RASA3: variants seen among roughly 807,000 people sequenced by gnomAD.
RASA3 encodes RAS p21 protein activator 3, also known as ras GTPase-activating protein 3.
RASA3 carries 73 observed loss-of-function variants against 110.0 expected under a neutral mutation model. The observed-to-expected ratio is 0.66, with a 90% confidence interval of 0.55 to 0.81. RASA3 has a LOEUF of 0.81. RASA3 is among the 30% of genes least tolerant of loss of function. RASA3 has a pLI of 0.00. For missense variants in RASA3, 976 were observed against 1,113.2 expected (o/e 0.88, Z 1.75); for synonymous variants, 500 against 451.4 (o/e 1.11, Z -1.37).
At position 114,112,075 on chromosome 13, in the gene RASA3, C is replaced by T. The variant is rs1201819790; in HGVS notation, c.55+20360G>A. Among the ~76,000 whole-genome samples the T allele has an allele frequency of 3.5e-5, 5 of 143,360 alleles. No individual in the cohort carries two copies. Among genetic ancestry groups the T allele is most frequent in the African/African-American group, 1.3e-4 (5 of 37,730 alleles). The allele number at this position is 143,360 out of a possible 152,430, so 94.0% of individuals were successfully genotyped here. ...CGTAAGTGACACTGTCCCTCCCTCT[C>T]CCTGGAAACAGCAGCCCCCAGGCAC... On this transcript the variant is annotated intron_variant, in intron 1 of 23. Coordinates refer to ENST00000334062, the MANE Select transcript of RASA3 (RefSeq NM_007368.4). This position sits in a 1 kb window ranked among gnomAD's most constrained non-coding sequence, Gnocchi z 4.8.
Position 114,020,088 on chromosome 13 carries a change from T to G in RASA3, c.786-1169A>C, listed in dbSNP as rs9562198. The stretch of plus-strand genomic sequence containing the variant: ...GCCCCCCTCAGGTGGGTGGAGCCTG[T>G]GTCCGAGGCATTAGCCCCCCTCAGG... On this transcript the variant is annotated intron_variant, in intron 9 of 23. Coordinates refer to ENST00000334062, the MANE Select transcript of RASA3 (RefSeq NM_007368.4). Among the ~76,000 whole-genome samples, 3 of 44,096 alleles carry G rather than the reference T, an allele frequency of 6.8e-5. 1 individual carries two copies. Among genetic ancestry groups the G allele is most frequent in the Non-Finnish European group, 3.8e-5 (1 of 26,404 alleles). The allele number at this position is 44,096 out of a possible 152,430, so 28.9% of individuals were successfully genotyped here.
At chr13:114,010,017 C>A (rs1185496419) in intron 16 of RASA3, among the ~76,000 whole-genome samples, 9 of 152,228 alleles carry the variant, frequency 5.9e-5, no homozygotes, top group Admixed American at 5.9e-4. Flanking sequence ...GCACAGTTCC[C>A]TGGCTGTGAA....
rs77668010 is a variant in RASA3 at position 114,011,398 on chromosome 13, G to C, written c.1513-150C>G. ...GAAACAGGGGTAGCGACGCAGATGG[G>C]ACTGGAGGGGGTGGGCGTCCCACAG... On this transcript the variant is annotated intron_variant, in intron 15 of 23. Coordinates refer to ENST00000334062, the MANE Select transcript of RASA3 (RefSeq NM_007368.4). This position sits in a 1 kb window ranked among gnomAD's most constrained non-coding sequence, Gnocchi z 4.8. The C allele has an allele frequency of 2.6e-3, 1,778 of 694,380 alleles. 34 individuals are homozygous for C. In the African/African-American group the frequency reaches 0.028, roughly 11 times the overall value. 43.0% of individuals were successfully genotyped at this position (694,380 alleles called of 1,614,324 possible). A position where few individuals can be genotyped will look rare whatever the true frequency, so the allele number is the denominator to read the frequency against.
At chr13:114,018,737 C>T (rs770482495) in intron 10 of RASA3, 26 bp downstream of exon 10, 2 of 1,609,892 alleles carry the variant, frequency 1.2e-6, no homozygotes, top group African/African-American at 1.3e-5. Context: ...CTGCCCACAC[C>T]CACAGGCCAC....
At chr13:114,010,497 C>T (rs2053607074) in intron 16 of RASA3, among the ~76,000 whole-genome samples, 1 of 151,500 alleles carries the variant, frequency 6.6e-6, no homozygotes, top group Non-Finnish European at 1.5e-5. Flanking sequence ...TGAGGGACTC[C>T]TGACCTGGTG....
At chr13:114,074,505 G>C (rs1160114098) in intron 1 of RASA3, among the ~76,000 whole-genome samples, 1 of 152,190 alleles carries the variant, frequency 6.6e-6, no homozygotes, top group Non-Finnish European at 1.5e-5. Context: ...ACCTCGTCTT[G>C]CTTATTCATT....
intron 1 of RASA3, among the ~76,000 whole-genome samples, chr13:114,117,425 G>A (rs1449768033): frequency 7.0e-6 from 1 of 142,260 alleles, no homozygotes; most frequent in Admixed American, 7.0e-5. Flanking sequence ...TGCATGCAAT[G>A]CTCCTGTATG....
Position 113,980,164 on chromosome 13 carries a change from CCCA to C in RASA3, c.2430-745_2430-743del, listed in dbSNP as rs141070063. ...CCTGCCACGTGTGTGCACACCTCCT[CCCA>C]CGTGTGTGCACCTCCTCCCACGTGT... On this transcript the variant is annotated intron_variant, in intron 23 of 23. Coordinates refer to ENST00000334062, the MANE Select transcript of RASA3 (RefSeq NM_007368.4). Among the ~76,000 whole-genome samples, 1,455 of 147,410 alleles carry C rather than the reference CCCA, an allele frequency of 9.9e-3. 8 individuals are homozygous for C. The highest frequency in any genetic ancestry group is 0.015 in the Non-Finnish European group (984 of 66,750).
chr13:114,022,887 G>A (rs2053955055), intron 8 of RASA3, among the ~76,000 whole-genome samples: 1 of 152,190 alleles, frequency 6.6e-6, no homozygotes, highest in African/African-American at 2.4e-5. Flanking sequence ...TCCCTGGGGA[G>A]GCAGATCTGA....
At chr13:114,106,049 T>C (rs1594462322) in intron 1 of RASA3, among the ~76,000 whole-genome samples, 1 of 152,310 alleles carries the variant, frequency 6.6e-6, no homozygotes, top group Non-Finnish European at 1.5e-5. Context: ...AGGAAGAGGA[T>C]GACCGGGTGT....
intron 3 of RASA3, among the ~76,000 whole-genome samples, chr13:114,046,175 G>A (rs947532346): frequency 1.3e-5 from 2 of 152,250 alleles, no homozygotes; most frequent in African/African-American, 2.4e-5. Context: ...CTGCTATGAA[G>A]CTATAGTGAT....
rs556350816 is a variant in RASA3 at position 114,096,797 on chromosome 13, G to C, written c.56-22960C>G. Among the ~76,000 whole-genome samples, 7 of 152,132 alleles carry C rather than the reference G, an allele frequency of 4.6e-5. No homozygotes were observed. Among genetic ancestry groups the C allele is most frequent in the African/African-American group, 1.4e-4 (6 of 41,510 alleles). On this transcript the variant is annotated intron_variant, in intron 1 of 23. Coordinates refer to ENST00000334062, the MANE Select transcript of RASA3 (RefSeq NM_007368.4). This position sits in a 1 kb window ranked among gnomAD's most constrained non-coding sequence, Gnocchi z 5.1. ...GCACTGACCCTTCAGCCAGGCTCTG[G>C]AGCCCCTACAAGCAACGTCCGTCTG...
At chr13:114,043,429 CAGCCCTGGAAAA>C (rs2054459154) in intron 3 of RASA3, among the ~76,000 whole-genome samples, 2 of 152,140 alleles carry the variant, frequency 1.3e-5, no homozygotes, top group South Asian at 4.1e-4. Flanking sequence ...GCCCTGGGAA[CAGCCCTGGAAAA>C]AGCCCCTTCC....
intron 18 of RASA3, among the ~76,000 whole-genome samples, chr13:114,003,625 T>C (rs1594302728): frequency 1.3e-5 from 2 of 151,864 alleles, no homozygotes; most frequent in Admixed American, 6.6e-5. Flanking sequence ...CCTGTGTAGC[T>C]GTTGGACGTG....
chr13:113,999,247 G>A (rs1194030922), intron 20 of RASA3, among the ~76,000 whole-genome samples: 1 of 152,180 alleles, frequency 6.6e-6, no homozygotes, highest in East Asian at 1.9e-4. Flanking sequence ...AGGAATTCCA[G>A]ACGGTCCCAA....
In RASA3 at chr13:114,031,734, A is replaced by C. The variant is rs538551831; in HGVS notation, c.373-1847T>G. On this transcript the variant is annotated intron_variant, in intron 4 of 23. Transcript: ENST00000334062. ...GAATGGATGGGATAAACACAGACTC[A>C]TCCATGCTTCAGGGGCTCTGCCTGG... Among the ~76,000 whole-genome samples the C allele has an allele frequency of 6.6e-4, 101 of 152,330 alleles. 2 individuals carry two copies. The highest frequency in any genetic ancestry group is 1.1e-3 in the Admixed American group (17 of 15,306).
At chr13:114,127,978 C>T (rs888670236) in intron 1 of RASA3, among the ~76,000 whole-genome samples, 3 of 152,250 alleles carry the variant, frequency 2.0e-5, no homozygotes, top group African/African-American at 4.8e-5. Context: ...GAAACCCACT[C>T]CCCTTTCCAG....
At chr13:114,023,238 AGGCTCGGGG>A (rs2053962954) in intron 8 of RASA3, among the ~76,000 whole-genome samples, 1 of 114,900 alleles carries the variant, frequency 8.7e-6, no homozygotes, top group South Asian at 2.3e-4. Context: ...GGGACATCCC[AGGCTCGGGG>A]ACATCCCAGG....
intron 6 of RASA3, 70 bp from the exon 7 acceptor site, chr13:114,027,531 C>T (rs751978332): frequency 7.0e-5 from 86 of 1,234,954 alleles, no homozygotes; most frequent in South Asian, 3.1e-4. Context: ...GTGGTAAAAC[C>T]GAGCTCTCAA....
Sources: gnomAD v4.1 joint callset for allele counts (sites outside exome capture counted in the v4.1 genomes callset) on GRCh38, gnomAD v4.1.1 for gene constraint, Gnocchi (gnomAD v3.1) non-coding constraint, MANE v1.5 for transcripts, NCBI Gene and HGNC (gene_info 2026-07-23, HGNC 2026-07-21) for gene names.